Variants in COL9A3 observed in about 807,000 individuals in gnomAD.
The protein encoded by COL9A3 is collagen type IX alpha 3 chain.
In COL9A3, 82 loss-of-function variants were observed where a neutral mutation model predicts 110.2. That is an observed-to-expected ratio of 0.74 (90% CI 0.62 to 0.89). The LOEUF (loss-of-function observed/expected upper bound fraction) is 0.89, where lower values mean the gene tolerates loss of function less well. Among genes scored for constraint, COL9A3 ranks in the 40% least tolerant of loss-of-function variants. The pLI is 0.00. For synonymous variants in COL9A3, 494 were observed against 403.8 expected, an observed-to-expected ratio of 1.22 and a Z score of -2.68; for missense variants, 1,066 against 981.3, an observed-to-expected ratio of 1.09 and a Z score of -1.15.
At chr20:62,819,504 C>T (rs909932700) in intron 4 of COL9A3, among the ~76,000 whole-genome samples, 5 of 152,226 alleles carry the variant, frequency 3.3e-5, no homozygotes, top group South Asian at 2.1e-4. Context: ...CCAGTGGAGT[C>T]GGAAGTCCCG....
chr20:62,840,622 C>T lies in COL9A3; in HGVS notation c.1945C>T (p.Leu649Phe), dbSNP rs768245792. 1 of 1,613,114 alleles carries T rather than the reference C, an allele frequency of 6.2e-7. No homozygotes were observed. The highest frequency in any genetic ancestry group is 8.5e-7 in the Non-Finnish European group (1 of 1,179,792). ...GCCTGGGCCTCCCGGAGATCCTGGG[C>T]TTCCAGGTGCCATTGGGGCCCAGGG... ...GEPGPPGDPG[L>F]PGAIGAQGTP... The change falls in exon 32 of 32, where the codon CTT becomes TTT. Residue 649 changes from leucine to phenylalanine, a missense_variant. Transcript: ENST00000649368.
intron 19 of COL9A3, 143 bp downstream of exon 19, chr20:62,829,119 C>G: frequency 1.1e-6 from 1 of 939,216 alleles, no homozygotes; most frequent in Non-Finnish European, 1.6e-6. Context: ...GGGCCTGGCA[C>G]AACCCCTGGT....
At chr20:62,822,901 AATGAATCACAATC>A (rs1289637104) in intron 10 of COL9A3, among the ~76,000 whole-genome samples, 28 of 152,176 alleles carry the variant, frequency 1.8e-4, no homozygotes, top group Non-Finnish European at 1.5e-5. Flanking sequence ...GTACAAATGT[AATGAATCACAATC>A]ATGTCACAGA....
rs147018733 is a variant in COL9A3 at position 62,837,216 on chromosome 20, C to T, written c.1737C>T (p.Pro579=). Residue 579 remains proline, a synonymous_variant, in exon 30 of 32, where the codon CCC becomes CCT. Coordinates refer to ENST00000649368, the MANE Select transcript of COL9A3 (RefSeq NM_001853.4). ...GSIGHPGARG[P]PGYRGPTGEL... The stretch of plus-strand genomic sequence containing the variant: ...TTGGTCACCCTGGCGCTCGAGGACC[C>T]CCTGGATACCGCGGTCCCACTGGGG... 13 of 1,612,126 alleles carry T rather than the reference C, an allele frequency of 8.1e-6. No homozygotes were observed. The highest frequency in any genetic ancestry group is 5.3e-5 in the African/African-American group (4 of 74,904).
intron 17 of COL9A3, 77 bp from the exon 18 acceptor site, chr20:62,828,687 G>C (rs2063572374): frequency 1.3e-6 from 2 of 1,503,546 alleles, no homozygotes; most frequent in Non-Finnish European, 1.8e-6. Flanking sequence ...GGGGAAGGAG[G>C]CTGCCCCCAG....
intron 22 of COL9A3, among the ~76,000 whole-genome samples, chr20:62,830,134 C>T (rs1245650504): frequency 3.9e-5 from 6 of 152,110 alleles, no homozygotes; most frequent in Non-Finnish European, 5.9e-5. Context: ...TGCCTGGCCC[C>T]GAGTCTGGCC....
chr20:62,837,044 C>T (rs1198779198), intron 29 of COL9A3, 39 bp from the exon 30 acceptor site: 1 of 1,607,466 alleles, frequency 6.2e-7, no homozygotes, highest in Non-Finnish European at 8.5e-7. Context: ...TCTGATGATC[C>T]TCTCTCGAGT....
chr20:62,819,131 G>A (rs1298791224), intron 3 of COL9A3, 91 bp from the exon 4 acceptor site: 5 of 1,281,864 alleles, frequency 3.9e-6, no homozygotes, highest in South Asian at 3.7e-5. Flanking sequence ...GTTGGGCTGG[G>A]GGGAAGTGGA....
chr20:62,836,513 G>C lies in COL9A3; in HGVS notation c.1584G>C (p.Leu528=). ...KEASEQRIRE[L]CGGMISEQIA... The stretch of plus-strand genomic sequence containing the variant: ...CCAGCGAGCAGCGCATCAGGGAGCT[G>C]TGTGGGGGGATGATCAGCGGTAAGT... The change falls in exon 29 of 32, where the codon CTG becomes CTC. Residue 528 remains leucine (L), a synonymous_variant. Transcript: ENST00000649368. 7 of 1,612,834 alleles carry C rather than the reference G, an allele frequency of 4.3e-6. No homozygotes were observed. The highest frequency in any genetic ancestry group is 5.9e-6 in the Non-Finnish European group (7 of 1,179,476).
intron 2 of COL9A3, 149 bp from the exon 3 acceptor site, chr20:62,818,369 G>C: frequency 2.6e-6 from 2 of 780,376 alleles, no homozygotes; most frequent in Admixed American, 1.8e-5. Flanking sequence ...TGCCCTCTAG[G>C]TAGGGATCGG....
intron 10 of COL9A3, among the ~76,000 whole-genome samples, chr20:62,823,110 G>A (rs1243295620): frequency 2.0e-5 from 3 of 152,224 alleles, no homozygotes; most frequent in Non-Finnish European, 4.4e-5. Flanking sequence ...GCCCAGACAG[G>A]AGGATCGCTT....
At chr20:62,821,563 A>G (rs542254170) in intron 7 of COL9A3, 33 bp downstream of exon 7, 2 of 1,612,618 alleles carry the variant, frequency 1.2e-6, no homozygotes, top group South Asian at 2.2e-5. Context: ...GCCCTGAGCA[A>G]GCACGCAAGT....
Position 62,828,904 on chromosome 20 carries a change from C to A in COL9A3, c.955-19C>A. 6.2e-7 allele frequency: 1 copy of A among 1,612,456 alleles called. No homozygotes were observed. The highest frequency in any genetic ancestry group is 1.1e-5 in the South Asian group (1 of 91,070). ...AGGCCTCAGCCTCCCCTTCCGCACC[C>A]CAATCTCTGTCCTCACAGGGAGAGG... On this transcript the variant is annotated intron_variant, in intron 18 of 31. Coordinates refer to ENST00000649368, the MANE Select transcript of COL9A3 (RefSeq NM_001853.4).
At chr20:62,824,057 C>A (rs1450458051) in intron 10 of COL9A3, among the ~76,000 whole-genome samples, 176 of 129,990 alleles carry the variant, frequency 1.4e-3, no homozygotes, top group Middle Eastern at 5.1e-3. Flanking sequence ...TCCTGTCACC[C>A]AGAGTGTCCC....
At chr20:62,825,780 G>T in intron 12 of COL9A3, 37 bp from the exon 13 acceptor site, 2 of 1,549,604 alleles carry the variant, frequency 1.3e-6, no homozygotes, top group South Asian at 1.2e-5. Flanking sequence ...AGGAGAGCCA[G>T]ACTGGGCCGC....
intron 12 of COL9A3, 83 bp from the exon 13 acceptor site, chr20:62,825,734 G>A (rs1356091360): frequency 1.4e-6 from 2 of 1,413,308 alleles, no homozygotes; most frequent in African/African-American, 2.8e-5. Flanking sequence ...AGCTGCTTGG[G>A]CTTGAGTAGG....
intron 1 of COL9A3, 45 bp downstream of exon 1, chr20:62,817,187 C>A (rs1299310328): frequency 7.8e-6 from 10 of 1,275,384 alleles, no homozygotes; most frequent in Non-Finnish European, 1.0e-5. Flanking sequence ...GGAGCCGCGA[C>A]CGCCCCAGCC....
At chr20:62,839,583 C>CT (rs928902092) in intron 31 of COL9A3, among the ~76,000 whole-genome samples, 1 of 152,098 alleles carries the variant, frequency 6.6e-6, no homozygotes, top group African/African-American at 2.4e-5. Context: ...CCACCTCTGC[C>CT]TGGGTGCCCT....
At chr20:62,829,070 C>A in intron 19 of COL9A3, 94 bp downstream of exon 19, 1 of 1,365,306 alleles carries the variant, frequency 7.3e-7, no homozygotes, top group Non-Finnish European at 1.0e-6. Context: ...CACTGTAGGG[C>A]CGACTCCCTG....
Sources: gnomAD v4.1 joint callset for allele counts (sites outside exome capture counted in the v4.1 genomes callset) on GRCh38, gnomAD v4.1.1 for gene constraint, MANE v1.5 for transcripts, NCBI Gene and HGNC (gene_info 2026-07-23, HGNC 2026-07-21) for gene names.